The following SPIRE1 variants were observed in gnomAD, a reference collection of about 807,000 sequenced individuals.
SPIRE1 encodes the protein protein spire homolog 1.
Under a neutral mutation model 94.1 loss-of-function variants are expected in SPIRE1, and 40 were observed. The ratio of observed to expected loss-of-function variants is 0.43; its 90% CI spans 0.33 to 0.55. The LOEUF (loss-of-function observed/expected upper bound fraction) is 0.55, where lower values mean the gene tolerates loss of function less well. Among genes scored for constraint, SPIRE1 ranks in the 20% least tolerant of loss-of-function variants. The probability of loss-of-function intolerance (pLI) is 0.06; values close to 1 mark genes in which losing one functional copy is unlikely to be tolerated. For missense variants in SPIRE1, 838 were observed against 975.2 expected (o/e 0.86, Z 1.87); for synonymous variants, 376 against 371.7 (o/e 1.01, Z -0.13).
At position 12,481,856 on chromosome 18, in the gene SPIRE1, T is replaced by C. The variant is rs185697710; in HGVS notation, c.1232-1985A>G. Reference sequence around the variant, plus strand: ...TGTAGGAATCTTCTAAAAGGAGATATAATGAGAAATAGAATTGTTGACATT... The same window carrying C: ...TGTAGGAATCTTCTAAAAGGAGATACAATGAGAAATAGAATTGTTGACATT... On this transcript the variant is annotated intron_variant, in intron 9 of 16. Transcript: ENST00000409402. Among the ~76,000 whole-genome samples the C allele has an allele frequency of 2.3e-3, 354 of 152,288 alleles. 3 individuals are homozygous for C. Among genetic ancestry groups the C allele is most frequent in the Non-Finnish European group, 3.7e-3 (251 of 68,022 alleles).
At chr18:12,629,270 G>A (rs2037713219) in intron 2 of SPIRE1, among the ~76,000 whole-genome samples, 1 of 152,232 alleles carries the variant, frequency 6.6e-6, no homozygotes, top group South Asian at 2.1e-4. Flanking sequence ...CAATGTAAAA[G>A]CCTCAATTAA....
chr18:12,616,638 C>T (rs1211163796), intron 2 of SPIRE1, among the ~76,000 whole-genome samples: 1 of 152,220 alleles, frequency 6.6e-6, no homozygotes, highest in African/African-American at 2.4e-5. Flanking sequence ...ACTGTGCTTA[C>T]TTACAGGCAG....
At chr18:12,508,908 C>T (rs956115486) in intron 5 of SPIRE1, among the ~76,000 whole-genome samples, 1 of 152,160 alleles carries the variant, frequency 6.6e-6, no homozygotes, top group Admixed American at 6.5e-5. Flanking sequence ...CTCCTGACCT[C>T]AAGTGATTCA....
At chr18:12,563,226 T>C (rs1189987935) in intron 2 of SPIRE1, among the ~76,000 whole-genome samples, 1 of 151,536 alleles carries the variant, frequency 6.6e-6, no homozygotes, top group Non-Finnish European at 1.5e-5. Flanking sequence ...AAAATCTGAG[T>C]TCTAGGTATA....
At chr18:12,503,102 C>CT (rs777209093) in intron 6 of SPIRE1, among the ~76,000 whole-genome samples, 10 of 141,462 alleles carry the variant, frequency 7.1e-5, no homozygotes, top group African/African-American at 1.2e-4. Flanking sequence ...GAGTGAGACT[C>CT]TGTCTCAAAA....
In SPIRE1 at chr18:12,622,736, A is replaced by G. The variant is rs192568811; in HGVS notation, c.372+12326T>C. 5.3e-4 allele frequency among the ~76,000 whole-genome samples: 80 copies of G among 152,262 alleles called. 1 individual carries two copies. The highest frequency in any genetic ancestry group is 1.6e-3 in the African/African-American group (68 of 41,554). ...TGTGCCCAGGCCTCAGCTGTGTCCA[A>G]TCTTTAACATGACCTGTAATACTTG... On this transcript the variant is annotated intron_variant, in intron 2 of 16. Transcript: ENST00000409402.
chr18:12,628,180 GC>G (rs1380676434), intron 2 of SPIRE1, among the ~76,000 whole-genome samples: 3 of 152,094 alleles, frequency 2.0e-5, no homozygotes, highest in Non-Finnish European at 4.4e-5. Flanking sequence ...GGTTTTTATA[GC>G]GTTAGGTCTA....
At chr18:12,501,072 CAAAAAAAA>C (rs67894900) in intron 6 of SPIRE1, among the ~76,000 whole-genome samples, 37 of 80,262 alleles carry the variant, frequency 4.6e-4, no homozygotes, top group South Asian at 6.8e-4. Context: ...AACTCTGTCT[CAAAAAAAA>C]AAAAAAAAAA....
chr18:12,566,484 G>A (rs9967026), intron 2 of SPIRE1, among the ~76,000 whole-genome samples: 3 of 152,058 alleles, frequency 2.0e-5, no homozygotes, highest in African/African-American at 7.2e-5. Context: ...TTCTTAATTG[G>A]TCTAATAGCT....
Position 12,507,891 on chromosome 18 carries a change from A to G in SPIRE1, c.808-1250T>C, listed in dbSNP as rs150604291. Among the ~76,000 whole-genome samples the G allele has an allele frequency of 9.1e-3, 1,384 of 152,242 alleles. 10 individuals carry two copies. Among genetic ancestry groups the G allele is most frequent in the Non-Finnish European group, 0.016 (1,062 of 68,012 alleles). Reference sequence around the variant, plus strand: ...GCTGAGCGCAGTGGCTCATGCCTGTAATCCCAGCACTCTGGGAGGCTGATG... The same window carrying G: ...GCTGAGCGCAGTGGCTCATGCCTGTGATCCCAGCACTCTGGGAGGCTGATG... On this transcript the variant is annotated intron_variant, in intron 5 of 16. Coordinates refer to ENST00000409402, the MANE Select transcript of SPIRE1 (RefSeq NM_001128626.2).
intron 3 of SPIRE1, 68 bp downstream of exon 3, chr18:12,546,606 G>T: frequency 8.4e-7 from 1 of 1,184,312 alleles, no homozygotes; most frequent in Non-Finnish European, 1.2e-6. Context: ...CTCTCCAGGG[G>T]GGGAAAAAAA....
At chr18:12,586,533 C>G (rs1170221849) in intron 2 of SPIRE1, among the ~76,000 whole-genome samples, 1 of 152,150 alleles carries the variant, frequency 6.6e-6, no homozygotes, top group Non-Finnish European at 1.5e-5. Flanking sequence ...ACTAATGAGA[C>G]AATTCTCTCA....
In SPIRE1 at chr18:12,657,747, C is replaced by G; in HGVS notation, c.120G>C (p.Leu40=). The G allele has an allele frequency of 7.3e-7, 1 of 1,369,296 alleles. No homozygotes were observed. The highest frequency in any genetic ancestry group is 1.5e-5 in the African/African-American group (1 of 66,446). The allele number at this position is 1,369,296 out of a possible 1,614,324, so 84.8% of individuals were successfully genotyped here. The change falls in exon 1 of 17, where the codon CTG becomes CTC. Residue 40 remains leucine, a synonymous_variant. Transcript: ENST00000409402. ...ACAGCCGCAGGATCTCCTCCAGGCT[C>G]AGCGCGTCCCGGGAGCCCCCGGCCG... ...GGAAGGSRDA[L]SLEEILRLYN... is the part of the protein sequence containing the mutation.
At chr18:12,558,542 T>TGCTGATTGGTCCATTTTACAGAGA (rs2035586587) in intron 2 of SPIRE1, among the ~76,000 whole-genome samples, 1 of 152,218 alleles carries the variant, frequency 6.6e-6, no homozygotes, top group African/African-American at 2.4e-5. Flanking sequence ...ACTCACATCC[T>TGCTGATTGGTCCATTTTACAGAGA]GCTGATTGGT....
rs549639638 is a variant in SPIRE1 at position 12,519,090 on chromosome 18, G to A, written c.730-6559C>T. Among the ~76,000 whole-genome samples the A allele has an allele frequency of 3.3e-5, 5 of 152,264 alleles. No homozygotes were observed. In the East Asian group the frequency reaches 9.6e-4, roughly 29 times the overall value. ...AACACGCTTCTCCTCCCTGAGGGGT[G>A]GATGGTGGCCAAGTAACAACTATAG... is the stretch of plus-strand genomic sequence containing the variant. On this transcript the variant is annotated intron_variant, in intron 4 of 16. Coordinates refer to ENST00000409402, the MANE Select transcript of SPIRE1 (RefSeq NM_001128626.2).
intron 10 of SPIRE1, among the ~76,000 whole-genome samples, chr18:12,469,810 G>A (rs779204621): frequency 6.7e-6 from 1 of 148,350 alleles, no homozygotes; most frequent in Non-Finnish European, 1.5e-5. Context: ...AGATGCAACT[G>A]AGGCAAAAGT....
chr18:12,655,538 C>A (rs1433599190), intron 1 of SPIRE1, among the ~76,000 whole-genome samples: 1 of 152,128 alleles, frequency 6.6e-6, no homozygotes, highest in African/African-American at 2.4e-5. Flanking sequence ...AGGTCATGAG[C>A]AGAACTGAGA....
chr18:12,449,927 T>C (rs1249691034), intron 16 of SPIRE1, 31 bp from the exon 17 acceptor site: 2 of 1,605,816 alleles, frequency 1.2e-6, no homozygotes, highest in African/African-American at 2.7e-5. Flanking sequence ...AAGCCCAGCA[T>C]TGTTACTTAT....
intron 2 of SPIRE1, among the ~76,000 whole-genome samples, chr18:12,556,825 G>A (rs778252457): frequency 5.9e-5 from 9 of 152,164 alleles, no homozygotes; most frequent in Admixed American, 2.6e-4. Flanking sequence ...TGCAAAGAGC[G>A]AAAGAACAAA....
Sources: allele counts gnomAD v4.1 joint callset (sites outside exome capture counted in the v4.1 genomes callset), GRCh38; gene constraint gnomAD v4.1.1; transcripts MANE v1.5; gene names NCBI Gene and HGNC (gene_info 2026-07-23, HGNC 2026-07-21).